Variants in IQCB1 observed in about 807,000 individuals in gnomAD.
IQCB1 encodes the protein IQ motif containing B1.
IQCB1 carries 56 observed loss-of-function variants against 84.4 expected under a neutral mutation model. The ratio of observed to expected loss-of-function variants is 0.66; its 90% CI spans 0.54 to 0.83. The LOEUF (loss-of-function observed/expected upper bound fraction) is 0.83. IQCB1 is among the 40% of genes least tolerant of loss of function. The pLI, the probability that IQCB1 is intolerant of heterozygous loss-of-function variation, is 0.00. For missense variants in IQCB1, 629 were observed against 682.1 expected, an observed-to-expected ratio of 0.92 and a Z score of 0.87; for synonymous variants, 210 against 234.8, an observed-to-expected ratio of 0.89 and a Z score of 0.96.
intron 9 of IQCB1, among the ~76,000 whole-genome samples, 196 bp downstream of exon 9, chr3:121,796,922 T>C (rs1949214125): frequency 6.6e-6 from 1 of 151,990 alleles, no homozygotes; most frequent in Admixed American, 6.6e-5. Context: ...GGTGTGATCA[T>C]AGGGCAGTCT....
intron 5 of IQCB1, among the ~76,000 whole-genome samples, chr3:121,817,215 A>C (rs1161685305): frequency 6.6e-6 from 1 of 152,210 alleles, no homozygotes; most frequent in Non-Finnish European, 1.5e-5. Flanking sequence ...CAATGAGAAC[A>C]CATGGACACA....
At chr3:121,804,163 T>A (rs556730265) in intron 7 of IQCB1, among the ~76,000 whole-genome samples, 31 of 152,296 alleles carry the variant, frequency 2.0e-4, no homozygotes, top group African/African-American at 7.0e-4. Context: ...AGTGATATTA[T>A]ACCACTTCAT....
chr3:121,789,262 CAGTGCACT>C (rs1559764364), intron 11 of IQCB1, among the ~76,000 whole-genome samples: 1 of 152,188 alleles, frequency 6.6e-6, no homozygotes, highest in Non-Finnish European at 1.5e-5. Context: ...TCAGGTCCTT[CAGTGCACT>C]AGCCATATTT....
intron 4 of IQCB1, among the ~76,000 whole-genome samples, chr3:121,827,301 T>C (rs1950495988): frequency 6.6e-6 from 1 of 152,096 alleles, no homozygotes; most frequent in Admixed American, 6.5e-5. Flanking sequence ...AATATTTACA[T>C]GTATCACTTT....
chr3:121,786,031 C>A (rs1948696066), intron 12 of IQCB1, among the ~76,000 whole-genome samples: 1 of 141,964 alleles, frequency 7.0e-6, no homozygotes, highest in African/African-American at 2.5e-5. Context: ...ATTAGCTGGG[C>A]CTGGTGGTGC....
chr3:121,810,277 T>C (rs1418831277), intron 5 of IQCB1, among the ~76,000 whole-genome samples: 3 of 152,182 alleles, frequency 2.0e-5, no homozygotes, highest in African/African-American at 7.2e-5. Flanking sequence ...ATCTACTAAC[T>C]ATGTACTATC....
At chr3:121,787,619 T>C (rs1184910370) in intron 12 of IQCB1, among the ~76,000 whole-genome samples, 1 of 151,822 alleles carries the variant, frequency 6.6e-6, no homozygotes, top group African/African-American at 2.4e-5. Context: ...GGTGTGGTGG[T>C]GCATGCCTGT....
At chr3:121,791,967 T>G (rs1948994077) in intron 10 of IQCB1, among the ~76,000 whole-genome samples, 1 of 152,120 alleles carries the variant, frequency 6.6e-6, no homozygotes, top group Non-Finnish European at 1.5e-5. Flanking sequence ...GGTGTGCACT[T>G]GTAGTCCCAG....
At chr3:121,811,668 G>T (rs756296999) in intron 5 of IQCB1, among the ~76,000 whole-genome samples, 5 of 152,134 alleles carry the variant, frequency 3.3e-5, no homozygotes, top group Non-Finnish European at 7.4e-5. Context: ...GTTTGGACTG[G>T]GTGGAACTCA....
At chr3:121,786,215 G>GAAAA (rs59609336) in intron 12 of IQCB1, among the ~76,000 whole-genome samples, 3 of 147,090 alleles carry the variant, frequency 2.0e-5, no homozygotes, top group African/African-American at 2.5e-5. Context: ...GAAAAGAAAA[G>GAAAA]GATGCTTTAA....
At position 121,795,503 on chromosome 3, in the gene IQCB1, A is replaced by G; in HGVS notation, c.940T>C (p.Leu314=). The change falls in exon 10 of 15, where the codon TTA becomes CTA. Residue 314 remains leucine, a synonymous_variant. Coordinates refer to ENST00000310864, the MANE Select transcript of IQCB1 (RefSeq NM_001023570.4). ...YWKGFQTRKR[L]KKLPSAVIAL... ...ATCACAGCAGATGGAAGCTTCTTTA[A>G]TCTCTTTCTTGTCTGAAAACCCTTC... 1.9e-6 allele frequency: 3 copies of G among 1,610,548 alleles called. No individual in the cohort carries two copies. The highest frequency in any genetic ancestry group is 1.7e-6 in the Non-Finnish European group (2 of 1,177,784).
chr3:121,833,965 G>A (rs1237942272), intron 2 of IQCB1: 1 of 152,150 alleles, frequency 6.6e-6, no homozygotes, highest in Non-Finnish European at 1.5e-5. Context: ...CTAAGGAACA[G>A]ATACTATTAT....
intron 2 of IQCB1, among the ~76,000 whole-genome samples, chr3:121,833,711 A>G (rs1028914980): frequency 6.6e-6 from 1 of 152,222 alleles, no homozygotes; most frequent in Non-Finnish European, 1.5e-5. Flanking sequence ...CACAGATAAG[A>G]ATACAGGCCA....
chr3:121,813,118 C>T (rs1291949951), intron 5 of IQCB1, among the ~76,000 whole-genome samples: 1 of 152,166 alleles, frequency 6.6e-6, no homozygotes, highest in Non-Finnish European at 1.5e-5. Flanking sequence ...CAATAATCTA[C>T]ACTCTTAAAG....
intron 7 of IQCB1, among the ~76,000 whole-genome samples, chr3:121,806,162 T>A (rs916271636): frequency 1.3e-5 from 2 of 152,122 alleles, no homozygotes; most frequent in Non-Finnish European, 2.9e-5. Flanking sequence ...GAAGTGGAAG[T>A]AAAGTCCTGA....
intron 12 of IQCB1, among the ~76,000 whole-genome samples, chr3:121,782,558 T>C (rs575335610): frequency 1.3e-5 from 2 of 152,358 alleles, no homozygotes; most frequent in East Asian, 3.9e-4. Flanking sequence ...TTTGTTTTGT[T>C]TTGTTTTTCA....
chr3:121,792,726 T>C (rs1182349214), intron 10 of IQCB1, among the ~76,000 whole-genome samples: 1 of 151,096 alleles, frequency 6.6e-6, no homozygotes, highest in Non-Finnish European at 1.5e-5. Context: ...TGTAAACAGG[T>C]GTGCTTATTG....
At chr3:121,781,662 CAA>C in intron 13 of IQCB1, 79 bp downstream of exon 13, 8 of 936,884 alleles carry the variant, frequency 8.5e-6, no homozygotes, top group Non-Finnish European at 1.1e-5. Context: ...CACACACACA[CAA>C]TATATGTGTG....
At chr3:121,801,299 A>G (rs1266336084) in intron 7 of IQCB1, among the ~76,000 whole-genome samples, 2 of 152,058 alleles carry the variant, frequency 1.3e-5, no homozygotes, top group African/African-American at 4.8e-5. Context: ...AGTTTTAGCT[A>G]GTCCTTGTTT....
Sources: allele counts gnomAD v4.1 joint callset (sites outside exome capture counted in the v4.1 genomes callset), GRCh38; gene constraint gnomAD v4.1.1; transcripts MANE v1.5; gene names NCBI Gene and HGNC (gene_info 2026-07-23, HGNC 2026-07-21).